The following TACC2 variants were observed in gnomAD, a reference collection of about 807,000 sequenced individuals.
TACC2 encodes the protein transforming acidic coiled-coil-containing protein 2.
TACC2 carries 137 observed loss-of-function variants against 227.3 expected under a neutral mutation model. That is an observed-to-expected ratio of 0.60 (90% CI 0.52 to 0.69). The LOEUF is 0.69. Ranked by LOEUF, TACC2 falls within the 30% of genes least tolerant of loss-of-function variation. The probability of loss-of-function intolerance (pLI) is 0.00; values close to 1 mark genes in which losing one functional copy is unlikely to be tolerated. For missense variants in TACC2, 3,470 were observed against 3,694.4 expected, an observed-to-expected ratio of 0.94 and a Z score of 1.57; for synonymous variants, 1,523 against 1,487.5, an observed-to-expected ratio of 1.02 and a Z score of -0.55.
intron 2 of TACC2, among the ~76,000 whole-genome samples, chr10:122,038,188 G>C (rs771628545): frequency 2.0e-5 from 3 of 152,110 alleles, no homozygotes; most frequent in Non-Finnish European, 4.4e-5. Context: ...TAAGCCCTTG[G>C]GGGAGAGGGG....
intron 1 of TACC2, among the ~76,000 whole-genome samples, chr10:122,012,810 G>A (rs1207403383): frequency 1.7e-5 from 2 of 119,948 alleles, no homozygotes; most frequent in Non-Finnish European, 3.6e-5. Context: ...ATCCTTGAGG[G>A]AGCACCATGT....
At chr10:122,229,055 G>T (rs946744955) in intron 14 of TACC2, among the ~76,000 whole-genome samples, 2 of 151,880 alleles carry the variant, frequency 1.3e-5, no homozygotes, top group Non-Finnish European at 2.9e-5. Context: ...TTCACCTTCC[G>T]CTGGCTAGCT....
At chr10:122,181,281 C>G (rs1161192000) in intron 7 of TACC2, among the ~76,000 whole-genome samples, 1 of 152,142 alleles carries the variant, frequency 6.6e-6, no homozygotes, top group Non-Finnish European at 1.5e-5. Context: ...GCAAGAAAAT[C>G]ACATTCTTTT....
At position 122,093,589 on chromosome 10, in the gene TACC2, A is replaced by G. The variant is rs116981036; in HGVS notation, c.5573+4998A>G. On this transcript the variant is annotated intron_variant, in intron 5 of 22. Coordinates refer to ENST00000369005, the MANE Select transcript of TACC2 (RefSeq NM_206862.4). ...ACACTTGGTAATGTCACTTACAGCA[A>G]TACTCTTCTCAGATGGGAGGCAGTT... 4.2e-3 allele frequency among the ~76,000 whole-genome samples: 641 copies of G among 152,350 alleles called. 5 individuals carry two copies. The highest frequency in any genetic ancestry group is 7.0e-3 in the Non-Finnish European group (475 of 68,036).
chr10:122,013,624 C>T (rs569127856), intron 1 of TACC2, among the ~76,000 whole-genome samples: 1 of 152,270 alleles, frequency 6.6e-6, no homozygotes, highest in South Asian at 2.1e-4. Flanking sequence ...CCTGAGCTCC[C>T]CCTCGATGAG....
chr10:122,147,934 G>A (rs1447088757), intron 7 of TACC2, among the ~76,000 whole-genome samples: 2 of 152,158 alleles, frequency 1.3e-5, no homozygotes, highest in Non-Finnish European at 2.9e-5. Context: ...CTCCACAGCT[G>A]CTTTCAACCA....
chr10:122,086,632 G>GGA lies in TACC2; in HGVS notation c.4136_4137dup (p.Pro1380SerfsTer74). 1.2e-6 allele frequency: 2 copies of GGA among 1,602,680 alleles called. No homozygotes were observed. The highest frequency in any genetic ancestry group is 1.7e-6 in the Non-Finnish European group (2 of 1,174,208). ...GACAGAGGGCAGCATGGAGAGGATG[G>GGA]GAGAGCCTTCCCAGGACCCAAAGCA... On this transcript the variant is annotated frameshift_variant, in exon 4 of 23. Coordinates refer to ENST00000369005, the MANE Select transcript of TACC2 (RefSeq NM_206862.4). LOFTEE classifies it high-confidence loss of function.
At chr10:122,206,621 G>A (rs935491156) in intron 8 of TACC2, among the ~76,000 whole-genome samples, 3 of 152,192 alleles carry the variant, frequency 2.0e-5, no homozygotes, top group Admixed American at 6.5e-5. Context: ...GGTTTAAACC[G>A]CCCAGTCTGT....
At chr10:122,005,027 G>A (rs1331169526) in intron 1 of TACC2, among the ~76,000 whole-genome samples, 1 of 151,942 alleles carries the variant, frequency 6.6e-6, no homozygotes, top group Non-Finnish European at 1.5e-5. Flanking sequence ...ACATCATCTA[G>A]TAGATTCCTC....
At chr10:122,224,678 A>AT in intron 11 of TACC2, 48 bp from the exon 12 acceptor site, 1 of 1,576,912 alleles carries the variant, frequency 6.3e-7, no homozygotes, top group Non-Finnish European at 8.7e-7. Flanking sequence ...TCTGGCACTA[A>AT]CCTCACCTTT....
chr10:122,141,687 C>T lies in TACC2; in HGVS notation c.5700-1885C>T, dbSNP rs534031058. ...ACAGATCTAAGGTAGCATCTCCCCC[C>T]CACCCGCCACTGTTTTCTAAGACAG... On this transcript the variant is annotated intron_variant, in intron 6 of 22. Coordinates refer to ENST00000369005, the MANE Select transcript of TACC2 (RefSeq NM_206862.4). The surrounding 1 kb of genome is among the most constrained non-coding windows in gnomAD (Gnocchi z 4.3). Among the ~76,000 whole-genome samples the T allele has an allele frequency of 3.7e-4, 56 of 152,202 alleles. No homozygotes were observed. Among genetic ancestry groups the T allele is most frequent in the Admixed American group, 1.1e-3 (17 of 15,294 alleles).
At position 122,085,914 on chromosome 10, in the gene TACC2, A is replaced by G. The variant is rs758923315; in HGVS notation, c.3414A>G (p.Ala1138=). Residue 1138 remains alanine, a synonymous_variant, in exon 4 of 23, where the codon GCA becomes GCG. Coordinates refer to ENST00000369005, the MANE Select transcript of TACC2 (RefSeq NM_206862.4). ...CTGAGACTGGTGGCAGCGCTGGTGC[A>G]GGAGACCCAGGAAAGCAGCAGGCTC... is the stretch of plus-strand genomic sequence containing the variant. ...GAAETGGSAG[A]GDPGKQQAPE... 6.2e-7 allele frequency: 1 copy of G among 1,613,318 alleles called. No individual in the cohort carries two copies. The highest frequency in any genetic ancestry group is 2.2e-5 in the East Asian group (1 of 44,866).
chr10:122,179,677 A>C (rs1429855551), intron 7 of TACC2, among the ~76,000 whole-genome samples: 1 of 152,192 alleles, frequency 6.6e-6, no homozygotes, highest in Non-Finnish European at 1.5e-5. Flanking sequence ...CTGGGGGCTC[A>C]TGCCTGTAAC....
intron 6 of TACC2, among the ~76,000 whole-genome samples, chr10:122,140,084 G>A (rs1433557868): frequency 6.6e-6 from 1 of 152,228 alleles, no homozygotes; most frequent in East Asian, 1.9e-4. Flanking sequence ...GGAGCTGTGT[G>A]TGTGGCTGGA....
chr10:122,195,240 C>T (rs1212912293), intron 8 of TACC2, 64 bp downstream of exon 8: 101 of 1,442,914 alleles, frequency 7.0e-5, no homozygotes, highest in Non-Finnish European at 9.2e-5. Context: ...GGGAGATTTG[C>T]AGCAGTTCCT....
At chr10:122,177,081 G>A (rs952701665) in intron 7 of TACC2, among the ~76,000 whole-genome samples, 3 of 152,194 alleles carry the variant, frequency 2.0e-5, no homozygotes, top group African/African-American at 7.2e-5. Flanking sequence ...TTTTCTTGAT[G>A]GATATCATTG....
At chr10:122,191,572 G>A (rs2094411768) in intron 7 of TACC2, among the ~76,000 whole-genome samples, 1 of 152,198 alleles carries the variant, frequency 6.6e-6, no homozygotes, top group South Asian at 2.1e-4. Context: ...ACGAATTTAT[G>A]TTGGGCCGCA....
At chr10:122,230,513 G>A (rs1215407618) in intron 16 of TACC2, 73 bp downstream of exon 16, 12 of 1,410,422 alleles carry the variant, frequency 8.5e-6, no homozygotes, top group Middle Eastern at 3.6e-4. Context: ...AAGCTGCTTT[G>A]CTAACCATCC....
chr10:122,067,908 A>G (rs1019090237), intron 3 of TACC2, among the ~76,000 whole-genome samples: 1 of 152,180 alleles, frequency 6.6e-6, no homozygotes, highest in African/African-American at 2.4e-5. Context: ...TCAGTTCTTC[A>G]AATATTTTGT....
Sources: gnomAD v4.1 joint callset for allele counts (sites outside exome capture counted in the v4.1 genomes callset) on GRCh38, gnomAD v4.1.1 for gene constraint, Gnocchi (gnomAD v3.1) non-coding constraint, MANE v1.5 for transcripts, NCBI Gene and HGNC (gene_info 2026-07-23, HGNC 2026-07-21) for gene names.